PTPRT: variants seen among roughly 807,000 people sequenced by gnomAD.
The protein encoded by PTPRT is protein tyrosine phosphatase receptor type T, also known as receptor-type tyrosine-protein phosphatase T.
In PTPRT, 56 loss-of-function variants were observed where a neutral mutation model predicts 176.8. The observed-to-expected ratio is 0.32, with a 90% CI of 0.26 to 0.40. The LOEUF (loss-of-function observed/expected upper bound fraction) is 0.40, where lower values mean the gene tolerates loss of function less well. Ranked by LOEUF, PTPRT falls within the 10% of genes least tolerant of loss-of-function variation. The pLI, the probability that PTPRT is intolerant of heterozygous loss-of-function variation, is 1.00. For missense variants in PTPRT, 1,540 were observed against 1,908.2 expected (o/e 0.81, Z 3.60); for synonymous variants, 783 against 739.0 (o/e 1.06, Z -0.96).
intron 1 of PTPRT, among the ~76,000 whole-genome samples, chr20:43,076,830 A>G (rs1005353650): frequency 1.3e-5 from 2 of 151,964 alleles, no homozygotes; most frequent in African/African-American, 4.8e-5. Context: ...ATTTCTAAAC[A>G]CCATTCTTTC....
At chr20:42,227,742 G>T (rs935405120) in intron 15 of PTPRT, among the ~76,000 whole-genome samples, 1 of 151,598 alleles carries the variant, frequency 6.6e-6, no homozygotes, top group African/African-American at 2.4e-5. Flanking sequence ...CAAGTAGCTG[G>T]GATTACAGGC....
chr20:42,761,945 G>A (rs2076921681), intron 5 of PTPRT, among the ~76,000 whole-genome samples: 1 of 152,224 alleles, frequency 6.6e-6, no homozygotes, highest in South Asian at 2.1e-4. Context: ...GCAACTCTGT[G>A]AAAGGAGGGT....
chr20:42,327,877 T>C (rs1226910875), intron 11 of PTPRT, among the ~76,000 whole-genome samples: 1 of 151,924 alleles, frequency 6.6e-6, no homozygotes, highest in Non-Finnish European at 1.5e-5. Context: ...CCAGAAAATA[T>C]GACAGAGAAG....
At chr20:43,070,490 A>G (rs1012656670) in intron 1 of PTPRT, among the ~76,000 whole-genome samples, 2 of 152,194 alleles carry the variant, frequency 1.3e-5, no homozygotes, top group Admixed American at 6.5e-5. Flanking sequence ...TACCCAAAGG[A>G]TTACAAATCA....
At chr20:42,326,024 T>G (rs561436640) in intron 11 of PTPRT, among the ~76,000 whole-genome samples, 1 of 152,204 alleles carries the variant, frequency 6.6e-6, no homozygotes, top group East Asian at 1.9e-4. Context: ...CTGACCACTT[T>G]ATTTAAAATA....
At chr20:42,679,374 C>T (rs1347998043) in intron 6 of PTPRT, among the ~76,000 whole-genome samples, 3 of 151,628 alleles carry the variant, frequency 2.0e-5, no homozygotes, top group Non-Finnish European at 2.9e-5. Context: ...TAGGATAAAA[C>T]TTATATCCGC....
At chr20:42,184,081 C>T (rs986499646) in intron 16 of PTPRT, among the ~76,000 whole-genome samples, 7 of 152,142 alleles carry the variant, frequency 4.6e-5, no homozygotes, top group African/African-American at 1.7e-4. Context: ...TAAGGAAGAA[C>T]TGAGGTCCCA....
At chr20:42,116,061 C>T in intron 21 of PTPRT, 1 of 725,484 alleles carries the variant, frequency 1.4e-6, no homozygotes, top group Non-Finnish European at 2.6e-6. Context: ...CGCCGCACGG[C>T]CTAGAGTGGC....
intron 1 of PTPRT, among the ~76,000 whole-genome samples, chr20:43,035,896 T>A (rs895520873): frequency 6.6e-6 from 1 of 152,180 alleles, no homozygotes; most frequent in African/African-American, 2.4e-5. Flanking sequence ...CCAAGACTGA[T>A]TTCATGCTCC....
intron 1 of PTPRT, among the ~76,000 whole-genome samples, chr20:42,894,153 C>T (rs959504295): frequency 1.3e-5 from 2 of 151,762 alleles, no homozygotes; most frequent in African/African-American, 2.4e-5. Flanking sequence ...CATAAGGCCA[C>T]CAGGAAATGG....
intron 8 of PTPRT, among the ~76,000 whole-genome samples, chr20:42,463,328 T>C (rs541070785): frequency 5.3e-5 from 8 of 152,166 alleles, no homozygotes; most frequent in Non-Finnish European, 1.2e-4. Context: ...TCATTTCTTC[T>C]TCTATTTAAC....
At chr20:42,999,554 G>C (rs6130276) in intron 1 of PTPRT, among the ~76,000 whole-genome samples, 1 of 151,884 alleles carries the variant, frequency 6.6e-6, no homozygotes, top group African/African-American at 2.4e-5. Context: ...CCAGGGGTTC[G>C]AGACCAGCCT....
chr20:43,158,810 T>C (rs1020787942), intron 1 of PTPRT, among the ~76,000 whole-genome samples: 2 of 152,192 alleles, frequency 1.3e-5, no homozygotes, highest in African/African-American at 4.8e-5. Flanking sequence ...CTACCAATGG[T>C]TTGACTCTAG....
chr20:42,644,248 C>G (rs1162356130), intron 7 of PTPRT, among the ~76,000 whole-genome samples: 1 of 152,086 alleles, frequency 6.6e-6, no homozygotes, highest in Admixed American at 6.5e-5. Context: ...CCTGCAGCCT[C>G]CAGACTCACC....
chr20:42,806,686 C>A (rs1463642922), intron 2 of PTPRT, among the ~76,000 whole-genome samples: 3 of 152,034 alleles, frequency 2.0e-5, no homozygotes, highest in Non-Finnish European at 4.4e-5. Flanking sequence ...ACTGCAGAGA[C>A]AATGGATAAA....
chr20:42,673,455 A>T (rs2075446713), intron 7 of PTPRT, among the ~76,000 whole-genome samples: 1 of 152,224 alleles, frequency 6.6e-6, no homozygotes, highest in African/African-American at 2.4e-5. Flanking sequence ...TCCCAGGGGA[A>T]TATTTGTCTT....
intron 15 of PTPRT, among the ~76,000 whole-genome samples, chr20:42,200,560 A>C (rs1991408511): frequency 6.6e-6 from 1 of 152,194 alleles, no homozygotes; most frequent in Non-Finnish European, 1.5e-5. Flanking sequence ...TAAAAAGTTA[A>C]AAAGTTCTTT....
At chr20:42,906,519 C>A (rs939309601) in intron 1 of PTPRT, among the ~76,000 whole-genome samples, 1 of 152,216 alleles carries the variant, frequency 6.6e-6, no homozygotes, top group African/African-American at 2.4e-5. Flanking sequence ...TCTGTCCTTG[C>A]AATAAGGCAG....
chr20:42,223,674 A>G (rs2055938375), intron 15 of PTPRT, among the ~76,000 whole-genome samples: 1 of 152,260 alleles, frequency 6.6e-6, no homozygotes, highest in Admixed American at 6.5e-5. Flanking sequence ...TAGCTCTGCT[A>G]TATAAAGCAA....
Sources: allele counts gnomAD v4.1 joint callset (sites outside exome capture counted in the v4.1 genomes callset), GRCh38; gene constraint gnomAD v4.1.1; transcripts MANE v1.5; gene names NCBI Gene and HGNC (gene_info 2026-07-23, HGNC 2026-07-21).